The following C10orf143 variants were observed in gnomAD, a reference collection of about 807,000 sequenced individuals.
C10orf143 encodes uncharacterized protein C10orf143.
chr10:130,080,489 G>C (rs990859603), intron 1 of C10orf143, among the ~76,000 whole-genome samples: 2 of 152,210 alleles, frequency 1.3e-5, no homozygotes, highest in Non-Finnish European at 2.9e-5. Context: ...TACTCAGTTT[G>C]AAAGTCCCAA....
At chr10:130,035,219 C>T (rs541776071) in intron 4 of C10orf143, among the ~76,000 whole-genome samples, 1 of 151,990 alleles carries the variant, frequency 6.6e-6, no homozygotes, top group East Asian at 1.9e-4. Flanking sequence ...CCTCTGAGGT[C>T]CCTCTTCTTG....
chr10:130,102,025 G>A (rs1861565981), intron 1 of C10orf143, among the ~76,000 whole-genome samples: 1 of 152,004 alleles, frequency 6.6e-6, no homozygotes, highest in Admixed American at 6.6e-5. Context: ...CCAACACTTT[G>A]GGAGGCTGAA....
intron 1 of C10orf143, chr10:130,107,329 CT>C: frequency 9.4e-7 from 1 of 1,059,074 alleles, no homozygotes; most frequent in South Asian, 1.3e-5. Flanking sequence ...AGCTGGAGAC[CT>C]ACAGACAGCG....
intron 1 of C10orf143, among the ~76,000 whole-genome samples, chr10:130,080,172 T>C (rs577689744): frequency 2.0e-5 from 3 of 152,254 alleles, no homozygotes; most frequent in Non-Finnish European, 4.4e-5. Context: ...GAAACTCTTG[T>C]AATAAACTAT....
intron 3 of C10orf143, among the ~76,000 whole-genome samples, chr10:130,047,560 C>T (rs533579139): frequency 7.9e-5 from 12 of 152,178 alleles, no homozygotes; most frequent in Non-Finnish European, 1.6e-4. Context: ...CACTAAGTAA[C>T]TTACTAAGGC....
chr10:130,094,496 A>C (rs1030706837), intron 1 of C10orf143, among the ~76,000 whole-genome samples: 1 of 152,232 alleles, frequency 6.6e-6, no homozygotes, highest in African/African-American at 2.4e-5. Flanking sequence ...TGGCAAACTG[A>C]TTCCAGCAGC....
downstream of C10orf143, among the ~76,000 whole-genome samples, chr10:130,060,173 A>C (rs780910264): frequency 1.8e-4 from 28 of 152,084 alleles, no homozygotes; most frequent in Non-Finnish European, 2.9e-4. Context: ...AAAGTGCTCC[A>C]TGCTAAAAAA....
chr10:130,097,633 T>A (rs539679673), intron 1 of C10orf143, among the ~76,000 whole-genome samples: 31 of 152,324 alleles, frequency 2.0e-4, no homozygotes, highest in African/African-American at 6.7e-4. Context: ...TCGGTACCTA[T>A]GTGAATTTTC....
rs773426111 is a variant in C10orf143, at chr10:130,056,164, G to C, written c.298-20194C>G. Among the ~76,000 whole-genome samples the C allele has an allele frequency of 1.8e-4, 27 of 152,142 alleles. No individual in the cohort carries two copies. The highest frequency in any genetic ancestry group is 3.4e-4 in the Non-Finnish European group (23 of 68,022). The stretch of plus-strand genomic sequence containing the variant: ...ATTTAGATGTCAGAAAGGAAATCTT[G>C]TTTGTCCTGATTTAGGGCTGAAAAC... On this transcript the variant is annotated intron_variant and NMD_transcript_variant, in intron 3 of 5. Coordinates refer to the C10orf143 transcript ENST00000643056. This position sits in a 1 kb window ranked among gnomAD's most constrained non-coding sequence, Gnocchi z 4.6.
chr10:130,037,889 G>A (rs924210364), intron 3 of C10orf143, among the ~76,000 whole-genome samples: 1 of 152,050 alleles, frequency 6.6e-6, no homozygotes, highest in Admixed American at 6.6e-5. Context: ...CCCATATTGC[G>A]GCAGGTTAGA....
At chr10:130,092,948 G>A (rs1861405053) in intron 1 of C10orf143, among the ~76,000 whole-genome samples, 1 of 152,150 alleles carries the variant, frequency 6.6e-6, no homozygotes, top group Non-Finnish European at 1.5e-5. Flanking sequence ...AAGAGATTTA[G>A]ACTCCCACAC....
rs760624845 is a variant in C10orf143, at chr10:130,107,284, T to C, written c.69+3420A>G. On this transcript the variant is annotated intron_variant, in intron 1 of 3. Transcript: ENST00000637128. ...GGTTAGAGAAAGAAGAGAAACTTTC[T>C]AAGGTAGACAAAAAGATCAGCCATG... 5 of 1,148,354 alleles carry C rather than the reference T, an allele frequency of 4.4e-6. No homozygotes were observed. In the South Asian group the frequency reaches 4.9e-5, roughly 11 times the overall value. 71.1% of individuals were successfully genotyped at this position (1,148,354 alleles called of 1,614,324 possible). A position where few individuals can be genotyped will look rare whatever the true frequency, so the allele number is the denominator to read the frequency against.
intron 3 of C10orf143, among the ~76,000 whole-genome samples, chr10:130,054,460 G>A (rs1468121975): frequency 6.6e-6 from 1 of 152,200 alleles, no homozygotes; most frequent in Non-Finnish European, 1.5e-5. Flanking sequence ...CCAGGCTATT[G>A]TGAATAGTGC....
chr10:130,094,022 A>AAAAG (rs1861425413), intron 1 of C10orf143, among the ~76,000 whole-genome samples: 1 of 151,690 alleles, frequency 6.6e-6, no homozygotes, highest in South Asian at 2.1e-4. Context: ...CATTAAAAAA[A>AAAAG]AAAAAAAATT....
intron 1 of C10orf143, among the ~76,000 whole-genome samples, chr10:130,094,207 CA>C (rs1441546560): frequency 6.6e-6 from 1 of 151,976 alleles, no homozygotes; most frequent in Non-Finnish European, 1.5e-5. Context: ...AGACCAATAA[CA>C]AGTTCTGAAA....
At chr10:130,086,922 T>C (rs1861299900) in intron 1 of C10orf143, among the ~76,000 whole-genome samples, 1 of 152,212 alleles carries the variant, frequency 6.6e-6, no homozygotes, top group Admixed American at 6.5e-5. Context: ...CTTGTGATTA[T>C]CTGCAATGAA....
downstream of C10orf143, among the ~76,000 whole-genome samples, chr10:130,060,462 T>C (rs1860841691): frequency 6.6e-6 from 1 of 151,510 alleles, no homozygotes. Context: ...AAAATGGTAA[T>C]GATCACTTAA....
chr10:130,097,119 C>G (rs1861475314), intron 1 of C10orf143, among the ~76,000 whole-genome samples: 3 of 151,812 alleles, frequency 2.0e-5, no homozygotes, highest in Admixed American at 2.0e-4. Flanking sequence ...AGCCACTGCA[C>G]CCAGCCCAGA....
chr10:130,101,767 G>A (rs1339610314), intron 1 of C10orf143, among the ~76,000 whole-genome samples: 2 of 146,382 alleles, frequency 1.4e-5, no homozygotes, highest in East Asian at 4.0e-4. Flanking sequence ...GGCTGAGGCA[G>A]GAGAATCTCT....
Sources: allele counts gnomAD v4.1 joint callset (sites outside exome capture counted in the v4.1 genomes callset), GRCh38; gene constraint gnomAD v4.1.1; non-coding constraint Gnocchi (gnomAD v3.1); transcripts MANE v1.5; gene names NCBI Gene and HGNC (gene_info 2026-07-23, HGNC 2026-07-21).